KAZN: variants seen among roughly 807,000 people sequenced by gnomAD.
The protein encoded by KAZN is kazrin.
In KAZN, 40 loss-of-function variants were observed where a neutral mutation model predicts 87.4. The ratio of observed to expected loss-of-function variants is 0.46; its 90% confidence interval spans 0.36 to 0.60. KAZN has a LOEUF of 0.60. Ranked by LOEUF, KAZN falls within the 20% of genes least tolerant of loss-of-function variation. KAZN has a pLI of 0.00. For missense variants in KAZN, 898 were observed against 1,073.9 expected, an observed-to-expected ratio of 0.84 and a Z score of 2.29; for synonymous variants, 466 against 458.3, an observed-to-expected ratio of 1.02 and a Z score of -0.22.
chr1:14,531,430 C>T (rs139451355), intron 2 of KAZN, among the ~76,000 whole-genome samples: 2 of 152,176 alleles, frequency 1.3e-5, no homozygotes, highest in Admixed American at 1.3e-4. Flanking sequence ...CATCATTACT[C>T]TCACTAGACA....
intron 1 of KAZN, among the ~76,000 whole-genome samples, chr1:14,031,912 T>A (rs989572642): frequency 6.7e-6 from 1 of 149,068 alleles, no homozygotes; most frequent in Non-Finnish European, 1.5e-5. Flanking sequence ...AACAAAACCA[T>A]CTTCATACCC....
chr1:14,276,160 G>GGTGTGTGTGTGT (rs5772575), intron 2 of KAZN, among the ~76,000 whole-genome samples: 2 of 135,692 alleles, frequency 1.5e-5, no homozygotes, highest in East Asian at 4.1e-4. Flanking sequence ...TCGCTATAAG[G>GGTGTGTGTGTGT]GTGTGTGTGT....
chr1:13,932,668 A>C (rs12035581), intron 1 of KAZN, among the ~76,000 whole-genome samples: 5,181 of 152,304 alleles, frequency 0.034, 372 homozygotes, highest in East Asian at 0.32. Flanking sequence ...GGCATGAGAT[A>C]GTTGGCCACA....
intron 1 of KAZN, among the ~76,000 whole-genome samples, chr1:14,858,209 C>CTTTTTTTT (rs762613728): frequency 0.03 from 3,394 of 114,768 alleles, 506 homozygotes; most frequent in African/African-American, 0.047. Flanking sequence ...TTTTCTTTTT[C>CTTTTTTTT]TTTTCTTTTT....
intron 1 of KAZN, among the ~76,000 whole-genome samples, chr1:14,784,866 A>G (rs1645460586): frequency 6.6e-6 from 1 of 152,312 alleles, no homozygotes; most frequent in Admixed American, 6.5e-5. Flanking sequence ...CTGGAGTGAT[A>G]TCACCATGTC....
intron 1 of KAZN, among the ~76,000 whole-genome samples, chr1:14,918,888 A>C (rs1311480985): frequency 1.3e-5 from 2 of 151,746 alleles, no homozygotes; most frequent in East Asian, 1.9e-4. Context: ...CTGAACTGGA[A>C]GACCCAGCTA....
intron 1 of KAZN, among the ~76,000 whole-genome samples, chr1:14,056,969 A>G (rs750990743): frequency 6.6e-6 from 1 of 150,424 alleles, no homozygotes; most frequent in Non-Finnish European, 1.5e-5. Context: ...GCTTGAGCCC[A>G]GGAGGCAGAG....
At chr1:15,057,497 G>A (rs1011645125) in intron 5 of KAZN, among the ~76,000 whole-genome samples, 2 of 152,154 alleles carry the variant, frequency 1.3e-5, no homozygotes, top group African/African-American at 4.8e-5. Context: ...GGTGACACAG[G>A]GGACTTTGAG....
At chr1:14,160,651 C>T (rs1337116445) in intron 1 of KAZN, among the ~76,000 whole-genome samples, 2 of 152,258 alleles carry the variant, frequency 1.3e-5, no homozygotes, top group Admixed American at 6.5e-5. Context: ...GGGCAAGAAT[C>T]GGTGGAGTCT....
At chr1:15,070,278 C>G (rs10803347) in intron 8 of KAZN, among the ~76,000 whole-genome samples, 14,019 of 152,216 alleles carry the variant, frequency 0.092, 1,751 homozygotes, top group African/African-American at 0.29. Flanking sequence ...TTTTGTGACT[C>G]AGTCTGTTTC....
In KAZN at chr1:14,482,208, C is replaced by G. The variant is rs1571759534; in HGVS notation, c.250-116775C>G. Among the ~76,000 whole-genome samples the G allele has an allele frequency of 2.6e-5, 4 of 152,326 alleles. No individual in the cohort carries two copies. The South Asian group carries it at 8.3e-4, about 32-fold the overall frequency. On this transcript the variant is annotated intron_variant, in intron 2 of 16. Transcript: ENST00000636203. Reference sequence around the variant, plus strand: ...TCACCCCCTCCCGCTAGCTGATACCCCAACCTACCCAACCTGAAAGAAAAA... The same window carrying G: ...TCACCCCCTCCCGCTAGCTGATACCGCAACCTACCCAACCTGAAAGAAAAA...
chr1:13,928,389 G>A (rs1640367151), intron 1 of KAZN, among the ~76,000 whole-genome samples: 1 of 152,128 alleles, frequency 6.6e-6, no homozygotes, highest in Admixed American at 6.5e-5. Flanking sequence ...GGCACTCTGT[G>A]TATTATCTCC....
At chr1:14,024,540 C>T (rs556031714) in intron 1 of KAZN, among the ~76,000 whole-genome samples, 3 of 152,338 alleles carry the variant, frequency 2.0e-5, no homozygotes, top group Non-Finnish European at 4.4e-5. Context: ...CTGCCCCTCT[C>T]CTTGTGAAAA....
chr1:14,912,969 C>T (rs1240440786), intron 1 of KAZN, among the ~76,000 whole-genome samples: 2 of 152,086 alleles, frequency 1.3e-5, no homozygotes, highest in African/African-American at 2.4e-5. Context: ...TACTGACTGG[C>T]CCACAGTAAA....
intron 1 of KAZN, among the ~76,000 whole-genome samples, chr1:14,149,061 G>T (rs919597553): frequency 7.8e-6 from 1 of 128,990 alleles, no homozygotes; most frequent in African/African-American, 3.1e-5. Flanking sequence ...CTGCCTTCCT[G>T]CCTTCCTTCC....
At chr1:14,714,566 G>A (rs1557910059) in intron 1 of KAZN, among the ~76,000 whole-genome samples, 4 of 152,054 alleles carry the variant, frequency 2.6e-5, no homozygotes, top group Admixed American at 1.3e-4. Flanking sequence ...CTGCTAATGC[G>A]TTGCTCTTCC....
intron 1 of KAZN, among the ~76,000 whole-genome samples, chr1:13,921,953 C>G (rs1236272741): frequency 6.6e-6 from 1 of 152,102 alleles, no homozygotes; most frequent in Non-Finnish European, 1.5e-5. Flanking sequence ...ATTTTTATTA[C>G]AGTCTATGAT....
chr1:14,630,474 C>T (rs1162158441), intron 1 of KAZN, among the ~76,000 whole-genome samples: 2 of 152,108 alleles, frequency 1.3e-5, no homozygotes, highest in Non-Finnish European at 2.9e-5. Flanking sequence ...ATCACTTGAG[C>T]CCAGGTGTTC....
chr1:14,853,162 A>G (rs949355853), intron 1 of KAZN, among the ~76,000 whole-genome samples: 1 of 152,162 alleles, frequency 6.6e-6, no homozygotes, highest in South Asian at 2.1e-4. Context: ...AGGATTCCAG[A>G]TGAAGCAGAC....
Sources: gnomAD v4.1 joint callset for allele counts (sites outside exome capture counted in the v4.1 genomes callset) on GRCh38, gnomAD v4.1.1 for gene constraint, MANE v1.5 for transcripts, NCBI Gene and HGNC (gene_info 2026-07-23, HGNC 2026-07-21) for gene names.